SGSM1: variants seen among roughly 807,000 people sequenced by gnomAD.
SGSM1 encodes small G protein signaling modulator 1, also known as RUN and TBC1 domain containing 2.
A neutral mutation model predicts 133.8 loss-of-function variants in SGSM1; 73 were observed. That is an observed-to-expected ratio of 0.55 (90% CI 0.45 to 0.66). SGSM1 has a LOEUF of 0.66. Among genes scored for constraint, SGSM1 ranks in the 30% least tolerant of loss-of-function variants. The probability of loss-of-function intolerance (pLI) is 0.00; values close to 1 mark genes in which losing one functional copy is unlikely to be tolerated. For synonymous variants in SGSM1, 563 were observed against 573.0 expected (o/e 0.98, Z 0.25); for missense variants, 1,213 against 1,448.1 (o/e 0.84, Z 2.64).
intron 1 of SGSM1, 25 bp downstream of exon 1, chr22:24,806,369 C>A: frequency 6.7e-7 from 1 of 1,502,656 alleles, no homozygotes; most frequent in Non-Finnish European, 8.9e-7. Flanking sequence ...GACACGAGGG[C>A]GGCGGGAGGG....
intron 18 of SGSM1, among the ~76,000 whole-genome samples, chr22:24,895,614 A>G (rs1176428351): frequency 6.6e-6 from 1 of 152,228 alleles, no homozygotes; most frequent in African/African-American, 2.4e-5. Flanking sequence ...ATGCATATAC[A>G]TACACAGAAA....
chr22:24,828,353 A>T (rs1928910959), intron 2 of SGSM1, among the ~76,000 whole-genome samples: 1 of 152,202 alleles, frequency 6.6e-6, no homozygotes, highest in Admixed American at 6.5e-5. Flanking sequence ...TCTTTTGAGG[A>T]TTAAATAAGT....
At chr22:24,896,758 C>A (rs1007110934) in intron 18 of SGSM1, among the ~76,000 whole-genome samples, 7 of 151,696 alleles carry the variant, frequency 4.6e-5, no homozygotes, top group Non-Finnish European at 1.0e-4. Context: ...AGGTCAATGA[C>A]CTGAGATCAG....
At chr22:24,924,054 T>C in intron 24 of SGSM1, 132 bp from the exon 25 acceptor site, 2 of 757,710 alleles carry the variant, frequency 2.6e-6, no homozygotes, top group Admixed American at 2.2e-5. Flanking sequence ...GGTAGAGGCC[T>C]TCTCCAGGGC....
At chr22:24,844,856 C>T in intron 2 of SGSM1, 41 bp from the exon 3 acceptor site, 1 of 1,602,420 alleles carries the variant, frequency 6.2e-7, no homozygotes, top group African/African-American at 1.3e-5. Context: ...TCACCTTGGT[C>T]ACCTTGGACC....
At chr22:24,825,618 C>T (rs1195568910) in intron 2 of SGSM1, among the ~76,000 whole-genome samples, 7 of 152,000 alleles carry the variant, frequency 4.6e-5, no homozygotes, top group East Asian at 1.9e-4. Context: ...TTAGTAGAGA[C>T]GGGGTGTTAC....
intron 21 of SGSM1, among the ~76,000 whole-genome samples, chr22:24,912,065 GAA>G (rs113285331): frequency 0.3 from 42,204 of 140,504 alleles, 6,792 homozygotes; most frequent in East Asian, 0.56. Flanking sequence ...AAAAAAAAAG[GAA>G]AAAAAAAAAA....
intron 9 of SGSM1, among the ~76,000 whole-genome samples, chr22:24,860,356 A>C (rs1172036335): frequency 6.6e-6 from 1 of 152,178 alleles, no homozygotes; most frequent in East Asian, 1.9e-4. Flanking sequence ...GGAAGACTTT[A>C]GGAGGAACAA....
intron 2 of SGSM1, among the ~76,000 whole-genome samples, chr22:24,821,486 G>A (rs1252571103): frequency 1.3e-5 from 2 of 152,188 alleles, no homozygotes; most frequent in Non-Finnish European, 2.9e-5. Context: ...AGAGAGATGC[G>A]AGACAGGCCA....
At chr22:24,885,325 A>G (rs1364118334) in intron 15 of SGSM1, among the ~76,000 whole-genome samples, 1 of 152,220 alleles carries the variant, frequency 6.6e-6, no homozygotes, top group Non-Finnish European at 1.5e-5. Context: ...AAAATTAATT[A>G]AAATATTAAT....
intron 23 of SGSM1, among the ~76,000 whole-genome samples, chr22:24,918,078 T>C (rs1351933167): frequency 6.6e-6 from 1 of 152,170 alleles, no homozygotes; most frequent in African/African-American, 2.4e-5. Context: ...TGTGCTGCTT[T>C]TCAGAGCCCA....
At chr22:24,887,138 T>TGTGTGTGTGTGTG (rs1601956574) in intron 16 of SGSM1, among the ~76,000 whole-genome samples, 6 of 148,604 alleles carry the variant, frequency 4.0e-5, no homozygotes, top group Admixed American at 1.4e-4. Flanking sequence ...TGTGTGTGTG[T>TGTGTGTGTGTGTG]TTTCTCTGCA....
At chr22:24,818,554 A>G (rs1928260443) in intron 2 of SGSM1, among the ~76,000 whole-genome samples, 1 of 151,610 alleles carries the variant, frequency 6.6e-6, no homozygotes, top group African/African-American at 2.4e-5. Context: ...TTTTGTAGAG[A>G]TGGGGTTTCA....
At chr22:24,891,649 G>T (rs1416224896) in intron 16 of SGSM1, among the ~76,000 whole-genome samples, 2 of 152,174 alleles carry the variant, frequency 1.3e-5, no homozygotes, top group Non-Finnish European at 2.9e-5. Flanking sequence ...AGCTGGGGAT[G>T]CAGAAGCACA....
At chr22:24,909,680 T>A (rs954918481) in intron 21 of SGSM1, among the ~76,000 whole-genome samples, 2 of 152,084 alleles carry the variant, frequency 1.3e-5, no homozygotes, top group African/African-American at 4.8e-5. Flanking sequence ...GGTCTCGAAC[T>A]CCTGACCTCA....
rs1602009209 is a variant in SGSM1, at chr22:24,926,650, A to G, written c.*2376A>G. 6.6e-6 allele frequency: 1 copy of G among 152,016 alleles called. No homozygotes were observed. Among genetic ancestry groups the G allele is most frequent in the African/African-American group, 2.4e-5 (1 of 41,374 alleles). 9.4% of individuals were successfully genotyped at this position (152,016 alleles called of 1,614,324 possible). A position where few individuals can be genotyped will look rare whatever the true frequency, so the allele number is the denominator to read the frequency against. On this transcript the variant is annotated 3_prime_UTR_variant, in exon 25 of 25. Transcript: ENST00000400358. ...GTGGTTGTGATTTGGAATAAGTCAT[A>G]TTTATTTGGTTTACTGTGCCTATTC...
intron 5 of SGSM1, among the ~76,000 whole-genome samples, chr22:24,853,667 C>T (rs146326211): frequency 0.027 from 4,138 of 151,348 alleles, 96 homozygotes; most frequent in Non-Finnish European, 0.04. Flanking sequence ...AGTGCAGTGG[C>T]GCCATCTTGG....
intron 2 of SGSM1, among the ~76,000 whole-genome samples, chr22:24,839,128 T>C (rs965722734): frequency 6.6e-6 from 1 of 152,200 alleles, no homozygotes; most frequent in Non-Finnish European, 1.5e-5. Flanking sequence ...TGATCATGGC[T>C]CACTGCAGCC....
At chr22:24,850,014 C>T (rs1323204197) in intron 4 of SGSM1, among the ~76,000 whole-genome samples, 1 of 152,156 alleles carries the variant, frequency 6.6e-6, no homozygotes, top group East Asian at 1.9e-4. Context: ...GGCCCACCCT[C>T]CTTTCCAGGA....
Sources: gnomAD v4.1 joint callset for allele counts (sites outside exome capture counted in the v4.1 genomes callset) on GRCh38, gnomAD v4.1.1 for gene constraint, MANE v1.5 for transcripts, NCBI Gene and HGNC (gene_info 2026-07-23, HGNC 2026-07-21) for gene names.